Variants in ANKRD30A observed in about 807,000 individuals in gnomAD.
ANKRD30A encodes the protein ankyrin repeat domain 30A.
A neutral mutation model predicts 166.3 loss-of-function variants in ANKRD30A; 170 were observed. The observed-to-expected ratio is 1.02, with a 90% CI of 0.90 to 1.16. ANKRD30A has a LOEUF of 1.16. Among genes scored for constraint, ANKRD30A ranks in the 50% most tolerant of loss-of-function variants. The pLI is 0.00. For synonymous variants in ANKRD30A, 564 were observed against 508.9 expected (o/e 1.11, Z -1.46); for missense variants, 1,630 against 1,518.0 (o/e 1.07, Z -1.23).
intron 29 of ANKRD30A, 87 bp from the exon 30 acceptor site, chr10:37,199,640 C>A: frequency 1.2e-6 from 1 of 822,792 alleles, no homozygotes; most frequent in Non-Finnish European, 1.9e-6. Flanking sequence ...ACCACAGATT[C>A]GTGAATGAAA....
At chr10:37,210,873 G>T (rs771772146) in intron 31 of ANKRD30A, among the ~76,000 whole-genome samples, 1 of 152,084 alleles carries the variant, frequency 6.6e-6, no homozygotes, top group Non-Finnish European at 1.5e-5. Flanking sequence ...TTAGCCCTGT[G>T]TCAGATGGAT....
intron 5 of ANKRD30A, chr10:37,135,455 T>G (rs1337079422): frequency 4.6e-5 from 7 of 152,178 alleles, no homozygotes; most frequent in Non-Finnish European, 1.0e-4. Context: ...ATACAAAAAA[T>G]ATTTATGTAA....
At chr10:37,257,452 G>A in the ANKRD30A span, among the ~76,000 whole-genome samples, 1 of 151,714 alleles carries the variant, frequency 6.6e-6, no homozygotes. Flanking sequence ...TTTTGAATTT[G>A]GTTGCTCTTG....
the ANKRD30A span, among the ~76,000 whole-genome samples, chr10:37,263,432 AT>A: frequency 5.1e-4 from 78 of 151,926 alleles, no homozygotes; most frequent in African/African-American, 1.8e-3. Flanking sequence ...TAAGAAAATA[AT>A]TATACAACTC....
chr10:37,191,617 C>A (rs1840584470), intron 25 of ANKRD30A, among the ~76,000 whole-genome samples: 1 of 151,954 alleles, frequency 6.6e-6, no homozygotes, highest in African/African-American at 2.4e-5. Context: ...TTGCAAAAAT[C>A]ATATATAAAT....
chr10:37,152,125 C>T lies in ANKRD30A; in HGVS notation c.1707+4C>T, dbSNP rs781062734. ...AGAAAATTCTTGGGATTCTGAGGTA[C>T]TATGTGTTATTGATTTTTTTTTAAT... On this transcript the variant is annotated splice_donor_region_variant and intron_variant, in intron 12 of 35. Coordinates refer to ENST00000361713, the MANE Select transcript of ANKRD30A (RefSeq NM_052997.3). 2.6e-4 allele frequency: 410 copies of T among 1,600,040 alleles called. No homozygotes were observed. Among genetic ancestry groups the T allele is most frequent in the Non-Finnish European group, 3.2e-4 (372 of 1,169,792 alleles).
chr10:37,259,328 A>G, the ANKRD30A span, among the ~76,000 whole-genome samples: 4 of 152,238 alleles, frequency 2.6e-5, no homozygotes, highest in Non-Finnish European at 5.9e-5. Context: ...ATACTATGAC[A>G]CACAGACCAG....
chr10:37,125,854 C>T lies in ANKRD30A; in HGVS notation c.67C>T (p.Gln23Ter). Reference protein sequence around the residue: ...PGPERPSPFSQLVYTSNDSYI... With the variant: ...PGPERPSPFS The stretch of plus-strand genomic sequence containing the variant: ...CCCGGAGCGCCCGAGCCCTTTCAGC[C>T]AGCTAGTCTATACCAGCAACGACTC... Residue 23 changes from glutamine to a stop codon, truncating the protein, a stop_gained, in exon 1 of 36, where the codon CAG becomes TAG. Coordinates refer to ENST00000361713, the MANE Select transcript of ANKRD30A (RefSeq NM_052997.3). LOFTEE classifies it high-confidence loss of function. 7.6e-7 allele frequency: 1 copy of T among 1,320,538 alleles called. No homozygotes were observed. The highest frequency in any genetic ancestry group is 1.2e-5 in the South Asian group (1 of 81,168). 81.8% of individuals were successfully genotyped at this position (1,320,538 alleles called of 1,614,324 possible). A position where few individuals can be genotyped will look rare whatever the true frequency, so the allele number is the denominator to read the frequency against.
chr10:37,156,570 A>G (rs1014829615), intron 13 of ANKRD30A, among the ~76,000 whole-genome samples: 2 of 152,110 alleles, frequency 1.3e-5, no homozygotes, highest in Non-Finnish European at 2.9e-5. Flanking sequence ...TTGCTTTTTT[A>G]TCTTGTCTTA....
At chr10:37,196,044 T>G (rs991482112) in intron 27 of ANKRD30A, among the ~76,000 whole-genome samples, 1 of 151,382 alleles carries the variant, frequency 6.6e-6, no homozygotes, top group African/African-American at 2.4e-5. Context: ...TTTGAAACAG[T>G]GTTGTATGGG....
chr10:37,132,534 T>C (rs1836440954), intron 4 of ANKRD30A, among the ~76,000 whole-genome samples, 188 bp downstream of exon 4: 1 of 152,206 alleles, frequency 6.6e-6, no homozygotes, highest in Admixed American at 6.5e-5. Flanking sequence ...GTAGGACTTC[T>C]CTTATTATAT....
chr10:37,209,507 C>G (rs1036578112), intron 31 of ANKRD30A, among the ~76,000 whole-genome samples: 1 of 152,064 alleles, frequency 6.6e-6, no homozygotes, highest in African/African-American at 2.4e-5. Flanking sequence ...ACCAAAGGCA[C>G]GGTGCTAAAT....
At position 37,142,304 on chromosome 10, in the gene ANKRD30A, G is replaced by T; in HGVS notation, c.1393+14G>T. 6.4e-7 allele frequency: 1 copy of T among 1,570,830 alleles called. No individual in the cohort carries two copies. The highest frequency in any genetic ancestry group is 8.6e-7 in the Non-Finnish European group (1 of 1,164,908). The stretch of plus-strand genomic sequence containing the variant: ...CAAGTGCCAATGGTAAGATGCTAGA[G>T]CGAACTTTGTAAGGTTTATTGGCAC... On this transcript the variant is annotated intron_variant, in intron 7 of 35. Transcript: ENST00000361713.
chr10:37,190,140 A>C (rs1840412611), intron 25 of ANKRD30A, among the ~76,000 whole-genome samples: 1 of 151,924 alleles, frequency 6.6e-6, no homozygotes, highest in African/African-American at 2.4e-5. Flanking sequence ...CCACACATGT[A>C]TATAAATTGT....
downstream of ANKRD30A, among the ~76,000 whole-genome samples, chr10:37,235,222 T>A (rs1288221294): frequency 6.6e-6 from 1 of 152,214 alleles, no homozygotes; most frequent in East Asian, 1.9e-4. Flanking sequence ...CAAATTCTTC[T>A]AATTCTTCTT....
chr10:37,127,744 A>C (rs1419012853), intron 1 of ANKRD30A, among the ~76,000 whole-genome samples: 1 of 152,124 alleles, frequency 6.6e-6, no homozygotes, highest in Non-Finnish European at 1.5e-5. Context: ...AAGGAATCAA[A>C]TACTGTTTTC....
At chr10:37,202,630 C>A (rs986513651) in intron 31 of ANKRD30A, among the ~76,000 whole-genome samples, 6 of 152,058 alleles carry the variant, frequency 3.9e-5, no homozygotes, top group African/African-American at 7.2e-5. Context: ...CAAGAAATAA[C>A]TAAAATCAGA....
chr10:37,243,134 A>AT, the ANKRD30A span, among the ~76,000 whole-genome samples: 12,523 of 136,758 alleles, frequency 0.092, 731 homozygotes, highest in Non-Finnish European at 0.12. Context: ...TAATTTCCAA[A>AT]TTTTTTTTTT....
intron 30 of ANKRD30A, among the ~76,000 whole-genome samples, chr10:37,200,766 C>T (rs1043093526): frequency 1.3e-5 from 2 of 152,042 alleles, no homozygotes; most frequent in African/African-American, 4.8e-5. Context: ...CATTCTATGA[C>T]AGACTCTAAA....
Sources: allele counts gnomAD v4.1 joint callset (sites outside exome capture counted in the v4.1 genomes callset), GRCh38; gene constraint gnomAD v4.1.1; transcripts MANE v1.5; gene names NCBI Gene and HGNC (gene_info 2026-07-23, HGNC 2026-07-21).